PAX2: variants seen among roughly 807,000 people sequenced by gnomAD.
The protein encoded by PAX2 is paired box 2, also known as paired box protein Pax-2.
In PAX2, 9 loss-of-function variants were observed where a neutral mutation model predicts 41.7. That is an observed-to-expected ratio of 0.22 (90% CI 0.13 to 0.38). The LOEUF (loss-of-function observed/expected upper bound fraction) is 0.38. Ranked by LOEUF, PAX2 falls within the 10% of genes least tolerant of loss-of-function variation. PAX2 has a pLI of 1.00. For synonymous variants in PAX2, 221 were observed against 212.7 expected (o/e 1.04, Z -0.34); for missense variants, 418 against 531.6 (o/e 0.79, Z 2.10).
rs768451877 is a variant in PAX2, at chr10:100,827,140, G to T, written c.1108+45G>T. The stretch of plus-strand genomic sequence containing the variant: ...GGCCGGCGGCTCAGCGCGGCCGCGC[G>T]GCTTCTGGGCACGGTCCCACTCCCG... On this transcript the variant is annotated intron_variant, in intron 9 of 9. Transcript: ENST00000355243. The surrounding 1 kb of genome is among the most constrained non-coding windows in gnomAD (Gnocchi z 8.5). 5.4e-6 allele frequency: 8 copies of T among 1,492,382 alleles called. No individual in the cohort carries two copies. The Admixed American group carries it at 1.3e-4, about 25-fold the overall frequency. The allele number at this position is 1,492,382 out of a possible 1,614,324, so 92.4% of individuals were successfully genotyped here.
At position 100,824,270 on chromosome 10, in the gene PAX2, C is replaced by T. The variant is rs914223283; in HGVS notation, c.920-378C>T. Among the ~76,000 whole-genome samples the T allele has an allele frequency of 1.3e-5, 2 of 151,498 alleles. No individual in the cohort carries two copies. The highest frequency in any genetic ancestry group is 4.9e-5 in the African/African-American group (2 of 41,234). ...GGAGAGACCACAGCTGAATATCTTGCTGAGAAGGAGGAGTAAAACCAGGTC... is the reference window on the plus strand; with the variant it reads ...GGAGAGACCACAGCTGAATATCTTGTTGAGAAGGAGGAGTAAAACCAGGTC... On this transcript the variant is annotated intron_variant, in intron 7 of 9. Coordinates refer to ENST00000355243, the MANE Select transcript of PAX2 (RefSeq NM_000278.5). The surrounding 1 kb of genome is among the most constrained non-coding windows in gnomAD (Gnocchi z 6.6).
At chr10:100,814,351 C>CAAAAAA (rs11458573) in intron 7 of PAX2, among the ~76,000 whole-genome samples, 27 of 53,690 alleles carry the variant, frequency 5.0e-4, no homozygotes, top group African/African-American at 1.7e-3. Flanking sequence ...GACTCCATCT[C>CAAAAAA]AAAAAAAAAA....
In PAX2 at chr10:100,827,692, C is replaced by G. The variant is rs954575209; in HGVS notation, c.*73C>G. 7 of 1,612,538 alleles carry G rather than the reference C, an allele frequency of 4.3e-6. No individual in the cohort carries two copies. The Middle Eastern group carries it at 5.6e-4, about 129-fold the overall frequency. ...ACATCGTCCCCGTCTGACCCCACCC[C>G]GGAGGGAGGGAGGACCGACGCGACG... On this transcript the variant is annotated 3_prime_UTR_variant, in exon 10 of 10. Coordinates refer to ENST00000355243, the MANE Select transcript of PAX2 (RefSeq NM_000278.5). The surrounding 1 kb of genome is among the most constrained non-coding windows in gnomAD (Gnocchi z 8.5).
chr10:100,762,735 A>C (rs2133861686), intron 3 of PAX2, among the ~76,000 whole-genome samples: 1 of 152,334 alleles, frequency 6.6e-6, no homozygotes, highest in South Asian at 2.1e-4. Flanking sequence ...CTAAATCACA[A>C]ATAGGGGTAC....
intron 5 of PAX2, among the ~76,000 whole-genome samples, chr10:100,787,252 G>C (rs1186494312): frequency 6.6e-6 from 1 of 152,008 alleles, no homozygotes; most frequent in African/African-American, 2.4e-5. Flanking sequence ...CAGGCACTCA[G>C]TGGATGGGGG....
chr10:100,777,187 C>T (rs1846424015), intron 3 of PAX2, among the ~76,000 whole-genome samples: 2 of 151,250 alleles, frequency 1.3e-5, no homozygotes, highest in South Asian at 4.2e-4. Context: ...CTGCAACCTC[C>T]GCCTCCTGGG....
rs1848636088 is a variant in PAX2 at position 100,827,778 on chromosome 10, A to G, written c.*159A>G. 1 of 1,069,482 alleles carries G rather than the reference A, an allele frequency of 9.4e-7. No homozygotes were observed. Among genetic ancestry groups the G allele is most frequent in the Non-Finnish European group, 1.4e-6 (1 of 714,516 alleles). 66.2% of individuals were successfully genotyped at this position (1,069,482 alleles called of 1,614,324 possible). On this transcript the variant is annotated 3_prime_UTR_variant, in exon 10 of 10. Transcript: ENST00000355243. This position sits in a 1 kb window ranked among gnomAD's most constrained non-coding sequence, Gnocchi z 8.5. ...TCCCACGACCCCCGCAACCCTTCACATCACCCCCCTCGAAGGTCGGACAGG... is the reference window on the plus strand; with the variant it reads ...TCCCACGACCCCCGCAACCCTTCACGTCACCCCCCTCGAAGGTCGGACAGG...
At chr10:100,741,520 T>G (rs1286877347), upstream of PAX2, among the ~76,000 whole-genome samples, 5 of 150,524 alleles carry the variant, frequency 3.3e-5, no homozygotes, top group Non-Finnish European at 7.4e-5. Context: ...CAGGAGCCGG[T>G]CAGGCCTTTC....
intron 5 of PAX2, among the ~76,000 whole-genome samples, chr10:100,793,583 A>G (rs922126574): frequency 6.6e-6 from 1 of 152,192 alleles, no homozygotes; most frequent in Non-Finnish European, 1.5e-5. Flanking sequence ...CAAAGTGAGG[A>G]AAGTAAATGT....
In PAX2 at chr10:100,824,397, A is replaced by ACAC. The variant is rs1848476292; in HGVS notation, c.920-251_920-250insCAC. 6.6e-5 allele frequency among the ~76,000 whole-genome samples: 5 copies of ACAC among 75,420 alleles called. No homozygotes were observed. Among genetic ancestry groups the ACAC allele is most frequent in the Non-Finnish European group, 9.4e-5 (3 of 31,918 alleles). 49.5% of individuals were successfully genotyped at this position (75,420 alleles called of 152,430 possible). ...ACACACACACACACACACACACACA[A>ACAC]ATACACAGAGACACAAAGAGCTACA... On this transcript the variant is annotated intron_variant, in intron 7 of 9. Coordinates refer to ENST00000355243, the MANE Select transcript of PAX2 (RefSeq NM_000278.5). The surrounding 1 kb of genome is among the most constrained non-coding windows in gnomAD (Gnocchi z 6.6).
intron 6 of PAX2, among the ~76,000 whole-genome samples, chr10:100,808,772 G>A (rs906033143): frequency 1.3e-5 from 2 of 152,106 alleles, no homozygotes; most frequent in African/African-American, 4.8e-5. Context: ...CCTCCCCAAG[G>A]CTCCTCGACA....
At chr10:100,805,701 T>C (rs1847756045) in intron 5 of PAX2, among the ~76,000 whole-genome samples, 2 of 152,146 alleles carry the variant, frequency 1.3e-5, no homozygotes, top group Non-Finnish European at 2.9e-5. Context: ...GTAGGAGGCT[T>C]GAGCCTGGGT....
chr10:100,807,840 G>A (rs532064156), intron 6 of PAX2, among the ~76,000 whole-genome samples: 1 of 152,232 alleles, frequency 6.6e-6, no homozygotes, highest in African/African-American at 2.4e-5. Flanking sequence ...AGCGTTGAAC[G>A]CTGTAGTTCC....
intron 1 of PAX2, chr10:100,747,124 G>A (rs965360850): frequency 6.6e-6 from 1 of 152,288 alleles, no homozygotes; most frequent in African/African-American, 2.4e-5. Flanking sequence ...CAGCAGCGCA[G>A]CCTTCCAGGT....
At chr10:100,742,353 G>A (rs199722073), upstream of PAX2, among the ~76,000 whole-genome samples, 6 of 6,570 alleles carry the variant, frequency 9.1e-4, no homozygotes. Context: ...CACTCGAGGT[G>A]CGGGGTGCCT....
chr10:100,801,068 A>C (rs1339834080), intron 5 of PAX2, among the ~76,000 whole-genome samples: 1 of 152,186 alleles, frequency 6.6e-6, no homozygotes, highest in Non-Finnish European at 1.5e-5. Flanking sequence ...TCCTGCTGTC[A>C]GTAGCCCCAC....
intron 5 of PAX2, among the ~76,000 whole-genome samples, chr10:100,788,948 G>A (rs1846988991): frequency 6.6e-6 from 1 of 152,030 alleles, no homozygotes; most frequent in South Asian, 2.1e-4. Flanking sequence ...AGAGAAGACG[G>A]GGAGAAGGAG....
At chr10:100,752,779 A>G (rs1845488852) in intron 3 of PAX2, among the ~76,000 whole-genome samples, 1 of 152,184 alleles carries the variant, frequency 6.6e-6, no homozygotes, top group Admixed American at 6.5e-5. Flanking sequence ...CCTCCCCTCA[A>G]CAACATGCAC....
chr10:100,805,768 C>T (rs1847759651), intron 5 of PAX2, among the ~76,000 whole-genome samples: 1 of 152,180 alleles, frequency 6.6e-6, no homozygotes, highest in Non-Finnish European at 1.5e-5. Flanking sequence ...TCCACAGGGG[C>T]CCTTCTGTGG....
Sources: allele counts gnomAD v4.1 joint callset (sites outside exome capture counted in the v4.1 genomes callset), GRCh38; gene constraint gnomAD v4.1.1; non-coding constraint Gnocchi (gnomAD v3.1); transcripts MANE v1.5; gene names NCBI Gene and HGNC (gene_info 2026-07-23, HGNC 2026-07-21).